Variants in BICRAL observed in about 807,000 individuals in gnomAD.
BICRAL encodes BRD4-interacting chromatin-remodeling complex-associated protein-like.
BICRAL carries 8 observed loss-of-function variants against 91.8 expected under a neutral mutation model. The ratio of observed to expected loss-of-function variants is 0.09; its 90% CI spans 0.05 to 0.16. BICRAL has a LOEUF of 0.16. BICRAL is among the 10% of genes least tolerant of loss of function. BICRAL has a pLI of 1.00. For missense variants in BICRAL, 1,038 were observed against 1,310.9 expected (o/e 0.79, Z 3.21); for synonymous variants, 445 against 491.1 (o/e 0.91, Z 1.24).
chr6:42,795,966 A>G lies in BICRAL; in HGVS notation c.-102+13865A>G, dbSNP rs61521645. On this transcript the variant is annotated intron_variant, in intron 1 of 12. Coordinates refer to ENST00000314073, the MANE Select transcript of BICRAL (RefSeq NM_001393499.1). ...ATATGTACACACATAAAACTACACA[A>G]CAGTGTATGGTAAGTGCCAAATGAT... Among the ~76,000 whole-genome samples the G allele has an allele frequency of 6.1e-3, 925 of 152,348 alleles. 10 individuals are homozygous for G. The highest frequency in any genetic ancestry group is 0.021 in the African/African-American group (894 of 41,584).
intron 1 of BICRAL, among the ~76,000 whole-genome samples, chr6:42,799,467 T>C (rs1763505322): frequency 6.6e-6 from 1 of 151,928 alleles, no homozygotes; most frequent in African/African-American, 2.4e-5. Context: ...GCTAGTTTTT[T>C]GTATTTTTAG....
At chr6:42,820,934 G>C (rs1258805028) in intron 2 of BICRAL, 5 of 152,250 alleles carry the variant, frequency 3.3e-5, no homozygotes. Context: ...TTTTATACTA[G>C]TTTGGCCTTG....
rs540716870 is a variant in BICRAL, at chr6:42,823,273, A to G, written c.159+270A>G. Reference sequence around the variant, plus strand: ...CCCGAATAGCTGGGACTACAGGCGCATGCCACACGGGCTAATTTTTGTATT... The same window carrying G: ...CCCGAATAGCTGGGACTACAGGCGCGTGCCACACGGGCTAATTTTTGTATT... On this transcript the variant is annotated intron_variant, in intron 5 of 12. Coordinates refer to ENST00000314073, the MANE Select transcript of BICRAL (RefSeq NM_001393499.1). Among the ~76,000 whole-genome samples, 6 of 152,182 alleles carry G rather than the reference A, an allele frequency of 3.9e-5. No individual in the cohort carries two copies. In the East Asian group the frequency reaches 9.6e-4, roughly 24 times the overall value.
Position 42,847,173 on chromosome 6 carries a change from C to G in BICRAL, c.1840-4919C>G, listed in dbSNP as rs2114002765. Among the ~76,000 whole-genome samples, 2 of 152,240 alleles carry G rather than the reference C, an allele frequency of 1.3e-5. 1 individual carries two copies. The highest frequency in any genetic ancestry group is 4.1e-4 in the South Asian group (2 of 4,824). On this transcript the variant is annotated intron_variant, in intron 6 of 12. Transcript: ENST00000314073. Reference sequence around the variant, plus strand: ...GCTGAGGTGGGAGAATCACTTGAGCCTGGGAGGCAGAGGTTGCAGTGAGCT... The same window carrying G: ...GCTGAGGTGGGAGAATCACTTGAGCGTGGGAGGCAGAGGTTGCAGTGAGCT...
At chr6:42,789,132 A>G (rs1763192978) in intron 1 of BICRAL, among the ~76,000 whole-genome samples, 1 of 152,186 alleles carries the variant, frequency 6.6e-6, no homozygotes, top group African/African-American at 2.4e-5. Flanking sequence ...GCTTAAAGTG[A>G]GTTAATGGGC....
intron 6 of BICRAL, among the ~76,000 whole-genome samples, chr6:42,837,078 G>A (rs1242475739): frequency 6.6e-6 from 1 of 151,900 alleles, no homozygotes; most frequent in East Asian, 1.9e-4. Context: ...CCGAGTAGCT[G>A]GGACTACAGG....
intron 1 of BICRAL, among the ~76,000 whole-genome samples, chr6:42,751,855 C>T (rs920434498): frequency 6.8e-4 from 104 of 152,002 alleles, no homozygotes; most frequent in African/African-American, 2.5e-3. Context: ...CGGGGTTTCT[C>T]CATGTTGGTC....
At chr6:42,776,124 C>T (rs1762803950) in intron 1 of BICRAL, among the ~76,000 whole-genome samples, 1 of 151,736 alleles carries the variant, frequency 6.6e-6, no homozygotes, top group African/African-American at 2.4e-5. Flanking sequence ...TGGATTCAAG[C>T]AATTCTCCTG....
chr6:42,855,668 G>A (rs1461301715), intron 8 of BICRAL, among the ~76,000 whole-genome samples, 188 bp from the exon 9 acceptor site: 1 of 151,704 alleles, frequency 6.6e-6, no homozygotes, highest in Admixed American at 6.6e-5. Flanking sequence ...TCTTAACACA[G>A]TACAACTTTG....
At chr6:42,782,025 C>CCCG (rs775975045), upstream of BICRAL, 5,069 of 147,414 alleles carry the variant, frequency 0.034, 185 homozygotes, top group Admixed American at 0.12. Flanking sequence ...CGGCCCCGCG[C>CCCG]CCGCCGCCGC....
At chr6:42,819,608 A>G (rs1285463870) in intron 2 of BICRAL, among the ~76,000 whole-genome samples, 1 of 152,198 alleles carries the variant, frequency 6.6e-6, no homozygotes, top group African/African-American at 2.4e-5. Context: ...TTAAAATCAT[A>G]GACAATTTTA....
Position 42,793,969 on chromosome 6 carries a change from C to CATTTTT in BICRAL, c.-102+11906_-102+11911dup, listed in dbSNP as rs56661185. The stretch of plus-strand genomic sequence containing the variant: ...TGTCTCGAACTCCTGGACAAGATGA[C>CATTTTT]ATTTTTATTTTTATTTTTATTTTTA... On this transcript the variant is annotated intron_variant, in intron 1 of 12. Transcript: ENST00000314073. Among the ~76,000 whole-genome samples, 423 of 145,972 alleles carry CATTTTT rather than the reference C, an allele frequency of 2.9e-3. 1 individual carries two copies. Among genetic ancestry groups the CATTTTT allele is most frequent in the Middle Eastern group, 3.4e-3 (1 of 290 alleles).
chr6:42,826,219 G>C (rs1764297459), intron 5 of BICRAL, among the ~76,000 whole-genome samples: 1 of 136,884 alleles, frequency 7.3e-6, no homozygotes, highest in South Asian at 2.4e-4. Context: ...CCAGGCTCTG[G>C]AAACTCATGT....
chr6:42,793,122 A>ATTT lies in BICRAL; in HGVS notation c.-102+11058_-102+11060dup, dbSNP rs1159342197. On this transcript the variant is annotated intron_variant, in intron 1 of 12. Coordinates refer to ENST00000314073, the MANE Select transcript of BICRAL (RefSeq NM_001393499.1). ...AAGCGCATGCCACCATGCCCAGCTA[A>ATTT]TTTTTTTTTTTTTTTTTTTTTTTTT... is the stretch of plus-strand genomic sequence containing the variant. Among the ~76,000 whole-genome samples the ATTT allele has an allele frequency of 5.6e-4, 21 of 37,254 alleles. 5 individuals carry two copies. The highest frequency in any genetic ancestry group is 1.2e-3 in the African/African-American group (10 of 8,428). The allele number at this position is 37,254 out of a possible 152,430, so 24.4% of individuals were successfully genotyped here.
At chr6:42,817,542 C>T (rs565075357) in intron 2 of BICRAL, among the ~76,000 whole-genome samples, 1 of 150,842 alleles carries the variant, frequency 6.6e-6, no homozygotes, top group South Asian at 2.1e-4. Context: ...GTGGTGTAAT[C>T]ATAGCTCACT....
chr6:42,764,200 C>T (rs1193080417), intron 1 of BICRAL, among the ~76,000 whole-genome samples: 38 of 149,910 alleles, frequency 2.5e-4, no homozygotes, highest in Non-Finnish European at 4.7e-4. Context: ...CAAGATCATG[C>T]CACTGTACTC....
upstream of BICRAL, among the ~76,000 whole-genome samples, chr6:42,779,223 A>AACACACACACACACAC (rs57493144): frequency 2.3e-5 from 3 of 132,524 alleles, no homozygotes; most frequent in Admixed American, 7.8e-5. Context: ...TCTCAAGAAA[A>AACACACACACACACAC]ACACACACAC....
Position 42,857,614 on chromosome 6 carries a change from A to AAAAAATATAT in BICRAL, c.2254+379_2254+380insAAAATATATA. Among the ~76,000 whole-genome samples, 285 of 96,138 alleles carry AAAAAATATAT rather than the reference A, an allele frequency of 3.0e-3. 3 individuals are homozygous for AAAAAATATAT. Among genetic ancestry groups the AAAAAATATAT allele is most frequent in the African/African-American group, 9.4e-3 (143 of 15,236 alleles). 63.1% of individuals were successfully genotyped at this position (96,138 alleles called of 152,430 possible). A position where few individuals can be genotyped will look rare whatever the true frequency, so the allele number is the denominator to read the frequency against. On this transcript the variant is annotated intron_variant, in intron 10 of 12. Coordinates refer to ENST00000314073, the MANE Select transcript of BICRAL (RefSeq NM_001393499.1). ...ACACTGTCTCTTAAAAAAAAAAAAA[A>AAAAAATATAT]ATATATATATATATATATATATTTT...
At chr6:42,751,181 G>A (rs1762374772) in intron 1 of BICRAL, among the ~76,000 whole-genome samples, 1 of 150,058 alleles carries the variant, frequency 6.7e-6, no homozygotes. Context: ...TAGACAAACA[G>A]CTTTATTTGA....
Sources: gnomAD v4.1 joint callset for allele counts (sites outside exome capture counted in the v4.1 genomes callset) on GRCh38, gnomAD v4.1.1 for gene constraint, MANE v1.5 for transcripts, NCBI Gene and HGNC (gene_info 2026-07-23, HGNC 2026-07-21) for gene names.